MAML3: variants seen among roughly 807,000 people sequenced by gnomAD.
MAML3 encodes mastermind-like protein 3.
A neutral mutation model predicts 101.9 loss-of-function variants in MAML3; 27 were observed. The ratio of observed to expected loss-of-function variants is 0.27; its 90% CI spans 0.20 to 0.37. The LOEUF (loss-of-function observed/expected upper bound fraction) is 0.37, where lower values mean the gene tolerates loss of function less well. MAML3 is among the 10% of genes least tolerant of loss of function. The pLI, the probability that MAML3 is intolerant of heterozygous loss-of-function variation, is 1.00. For synonymous variants in MAML3, 501 were observed against 555.9 expected, an observed-to-expected ratio of 0.90 and a Z score of 1.39; for missense variants, 1,316 against 1,444.9, an observed-to-expected ratio of 0.91 and a Z score of 1.45.
chr4:139,990,959 G>A (rs1578632347), intron 1 of MAML3, among the ~76,000 whole-genome samples: 2 of 152,258 alleles, frequency 1.3e-5, no homozygotes, highest in East Asian at 3.9e-4. Context: ...TCAATAACAC[G>A]AAAATGGTCA....
chr4:139,987,512 A>G (rs149944633), intron 1 of MAML3, among the ~76,000 whole-genome samples: 16 of 152,310 alleles, frequency 1.1e-4, no homozygotes, highest in African/African-American at 2.4e-4. Context: ...AAGTTGAAAA[A>G]GAAAAATCAG....
At chr4:139,929,577 A>C (rs1733337729) in intron 1 of MAML3, among the ~76,000 whole-genome samples, 1 of 152,206 alleles carries the variant, frequency 6.6e-6, no homozygotes, top group South Asian at 2.1e-4. Context: ...GGAACAGCTT[A>C]AACTCAAATA....
At chr4:139,915,698 G>C (rs1217980226) in intron 1 of MAML3, among the ~76,000 whole-genome samples, 1 of 152,134 alleles carries the variant, frequency 6.6e-6, no homozygotes, top group Non-Finnish European at 1.5e-5. Context: ...ATTGGCGGGG[G>C]GGCGGGGATC....
intron 1 of MAML3, among the ~76,000 whole-genome samples, chr4:139,948,078 C>A (rs1405377504): frequency 6.7e-6 from 1 of 149,742 alleles, no homozygotes; most frequent in African/African-American, 2.5e-5. Context: ...CCAGTCTGGG[C>A]AACAAGAGCG....
At chr4:139,734,578 G>C (rs1212600057) in intron 2 of MAML3, among the ~76,000 whole-genome samples, 2 of 152,158 alleles carry the variant, frequency 1.3e-5, no homozygotes, top group African/African-American at 4.8e-5. Flanking sequence ...TCCCCTCCAG[G>C]GAAAAGATCT....
chr4:139,760,914 G>GA (rs1302924722), intron 2 of MAML3, among the ~76,000 whole-genome samples: 2 of 152,156 alleles, frequency 1.3e-5, no homozygotes, highest in Non-Finnish European at 2.9e-5. Flanking sequence ...ATAGAAAAGA[G>GA]AGTCAAATTG....
chr4:139,731,329 T>C (rs1728701926), intron 2 of MAML3: 1 of 150,194 alleles, frequency 6.7e-6, no homozygotes, highest in Non-Finnish European at 1.5e-5. Flanking sequence ...CCGGGCGCGG[T>C]GTCTCACGCC....
chr4:139,884,469 T>C (rs1460087841), intron 2 of MAML3, among the ~76,000 whole-genome samples: 4 of 152,220 alleles, frequency 2.6e-5, no homozygotes, highest in African/African-American at 7.2e-5. Context: ...ACTGCAAGTA[T>C]GAAAAATTAA....
At chr4:139,841,466 C>T (rs899261984) in intron 2 of MAML3, among the ~76,000 whole-genome samples, 1 of 152,230 alleles carries the variant, frequency 6.6e-6, no homozygotes, top group Admixed American at 6.5e-5. Context: ...ATGCAAGCGC[C>T]TTGCCTTGCT....
In MAML3 at chr4:140,043,026, TAAAAAAA is replaced by T. The variant is rs1365542255; in HGVS notation, c.468+109827_468+109833del. 1.5e-3 allele frequency among the ~76,000 whole-genome samples: 230 copies of T among 151,814 alleles called. 2 individuals carry two copies. Among genetic ancestry groups the T allele is most frequent in the African/African-American group, 5.0e-3 (206 of 41,402 alleles). On this transcript the variant is annotated intron_variant, in intron 1 of 4. Transcript: ENST00000509479. Reference sequence around the variant, plus strand: ...ACAAGGACCCAAATCTGATTTTTTTTAAAAAAACAAAAAACAAAAAACAGGTCTACCT... The same window carrying T: ...ACAAGGACCCAAATCTGATTTTTTTTCAAAAAACAAAAAACAGGTCTACCT...
intron 1 of MAML3, among the ~76,000 whole-genome samples, chr4:140,137,044 A>T (rs1280382841): frequency 6.6e-6 from 1 of 152,260 alleles, no homozygotes; most frequent in African/African-American, 2.4e-5. Flanking sequence ...GCTGGACTGC[A>T]GTGGCGCTAT....
intron 2 of MAML3, among the ~76,000 whole-genome samples, chr4:139,775,344 G>T (rs1730072790): frequency 6.6e-6 from 1 of 152,174 alleles, no homozygotes; most frequent in South Asian, 2.1e-4. Context: ...ATAAACTGTG[G>T]GGTACAAAGG....
chr4:139,951,561 G>A (rs909980426), intron 1 of MAML3, among the ~76,000 whole-genome samples: 7 of 152,160 alleles, frequency 4.6e-5, no homozygotes, highest in Non-Finnish European at 7.3e-5. Flanking sequence ...CGCATGCAGA[G>A]CTGTGGAGGA....
At chr4:140,012,048 A>C (rs2110861902) in intron 1 of MAML3, among the ~76,000 whole-genome samples, 1 of 152,216 alleles carries the variant, frequency 6.6e-6, no homozygotes, top group East Asian at 1.9e-4. Flanking sequence ...TTAGGCAATT[A>C]CCTATTATGT....
chr4:139,924,391 T>A (rs1265584874), intron 1 of MAML3, among the ~76,000 whole-genome samples: 3 of 152,228 alleles, frequency 2.0e-5, no homozygotes, highest in Admixed American at 2.0e-4. Context: ...CTCAAATATA[T>A]AAAGAACTAT....
intron 2 of MAML3, among the ~76,000 whole-genome samples, chr4:139,845,459 C>A (rs554091614): frequency 1.2e-4 from 19 of 152,290 alleles, no homozygotes; most frequent in South Asian, 2.1e-4. Flanking sequence ...GCAAGGAAAT[C>A]ATATTTTGCT....
At chr4:139,986,775 G>T (rs138855907) in intron 1 of MAML3, among the ~76,000 whole-genome samples, 1 of 152,110 alleles carries the variant, frequency 6.6e-6, no homozygotes, top group South Asian at 2.1e-4. Flanking sequence ...TCTGGTTAAC[G>T]CAGGAAACAC....
At chr4:140,004,058 C>A (rs1726393977) in intron 1 of MAML3, among the ~76,000 whole-genome samples, 1 of 152,234 alleles carries the variant, frequency 6.6e-6, no homozygotes, top group Non-Finnish European at 1.5e-5. Context: ...TAAGGTAAGG[C>A]TGCACCAAGC....
intron 2 of MAML3, among the ~76,000 whole-genome samples, chr4:139,738,135 G>A (rs944117506): frequency 2.0e-5 from 3 of 152,280 alleles, no homozygotes; most frequent in African/African-American, 7.2e-5. Flanking sequence ...CAAACAGCTT[G>A]TGGTTGTTAT....
Sources: gnomAD v4.1 joint callset for allele counts (sites outside exome capture counted in the v4.1 genomes callset) on GRCh38, gnomAD v4.1.1 for gene constraint, MANE v1.5 for transcripts, NCBI Gene and HGNC (gene_info 2026-07-23, HGNC 2026-07-21) for gene names.